SLC24A2: variants seen among roughly 807,000 people sequenced by gnomAD.
SLC24A2 encodes sodium/potassium/calcium exchanger 2.
In SLC24A2, 36 loss-of-function variants were observed where a neutral mutation model predicts 62.0. That is an observed-to-expected ratio of 0.58 (90% CI 0.44 to 0.77). SLC24A2 has a LOEUF of 0.77. SLC24A2 is among the 30% of genes least tolerant of loss of function. The pLI, the probability that SLC24A2 is intolerant of heterozygous loss-of-function variation, is 0.00. For synonymous variants in SLC24A2, 358 were observed against 294.0 expected (o/e 1.22, Z -2.23); for missense variants, 846 against 817.9 (o/e 1.03, Z -0.42).
At chr9:19,806,342 T>G in the SLC24A2 span, among the ~76,000 whole-genome samples, 2 of 152,142 alleles carry the variant, frequency 1.3e-5, no homozygotes, top group Non-Finnish European at 2.9e-5. Context: ...TAGAGTTTAT[T>G]TGAGTACAAA....
chr9:20,174,975 G>A, the SLC24A2 span, among the ~76,000 whole-genome samples: 1 of 149,478 alleles, frequency 6.7e-6, no homozygotes, highest in African/African-American at 2.5e-5. Context: ...CCAGTGAGTG[G>A]ATAAAGAAGC....
the SLC24A2 span, among the ~76,000 whole-genome samples, chr9:19,985,018 C>CA: frequency 0.49 from 72,021 of 147,696 alleles, 17,976 homozygotes; most frequent in Non-Finnish European, 0.55. Context: ...ACTGAAAATA[C>CA]AAAAAAAAAA....
chr9:19,697,452 G>C (rs945656819), intron 2 of SLC24A2, among the ~76,000 whole-genome samples: 2 of 151,982 alleles, frequency 1.3e-5, no homozygotes, highest in Non-Finnish European at 2.9e-5. Flanking sequence ...AAGTTGAAGA[G>C]AAAAAAATCT....
chr9:20,088,858 A>G, the SLC24A2 span, among the ~76,000 whole-genome samples: 1 of 152,190 alleles, frequency 6.6e-6, no homozygotes, highest in South Asian at 2.1e-4. Flanking sequence ...AGGGAGAGGC[A>G]GGCTACCATC....
intron 10 of SLC24A2, among the ~76,000 whole-genome samples, chr9:19,518,663 G>T (rs902513093): frequency 2.0e-5 from 3 of 151,934 alleles, no homozygotes; most frequent in Non-Finnish European, 4.4e-5. Context: ...CTTGTGATCC[G>T]CCCACCTCAG....
the SLC24A2 span, among the ~76,000 whole-genome samples, chr9:20,274,047 T>A: frequency 6.6e-6 from 1 of 152,214 alleles, no homozygotes; most frequent in African/African-American, 2.4e-5. Flanking sequence ...GATGTATGTC[T>A]CCACTCATTC....
At chr9:20,101,138 A>C in the SLC24A2 span, among the ~76,000 whole-genome samples, 13 of 152,268 alleles carry the variant, frequency 8.5e-5, no homozygotes, top group African/African-American at 3.1e-4. Context: ...AAATCCTAGC[A>C]AGATAAATTG....
chr9:20,021,390 A>G, the SLC24A2 span, among the ~76,000 whole-genome samples: 1 of 151,970 alleles, frequency 6.6e-6, no homozygotes. Flanking sequence ...CATGTATATA[A>G]TCATACATAC....
chr9:19,769,557 T>G (rs1822622251), intron 2 of SLC24A2, among the ~76,000 whole-genome samples: 1 of 152,242 alleles, frequency 6.6e-6, no homozygotes, highest in Admixed American at 6.5e-5. Flanking sequence ...TAAAGTGTTG[T>G]GTTTTGACCC....
the SLC24A2 span, among the ~76,000 whole-genome samples, chr9:19,912,196 C>T: frequency 6.6e-6 from 1 of 152,120 alleles, no homozygotes; most frequent in Admixed American, 6.6e-5. Flanking sequence ...TACACAAACA[C>T]AGATACAAAT....
chr9:19,706,529 G>A (rs1367328237), intron 2 of SLC24A2, among the ~76,000 whole-genome samples: 12 of 151,856 alleles, frequency 7.9e-5, no homozygotes, highest in East Asian at 1.9e-4. Flanking sequence ...ACAGGCACGC[G>A]CCACCATGCC....
the SLC24A2 span, among the ~76,000 whole-genome samples, chr9:19,855,141 G>T: frequency 2.0e-5 from 3 of 151,878 alleles, no homozygotes; most frequent in African/African-American, 4.8e-5. Flanking sequence ...CCATTTGCTT[G>T]GCAAATTTCC....
At chr9:19,681,984 A>G (rs1038982360) in intron 2 of SLC24A2, among the ~76,000 whole-genome samples, 2 of 152,146 alleles carry the variant, frequency 1.3e-5, no homozygotes, top group African/African-American at 4.8e-5. Context: ...GAACTGATTG[A>G]TGGGTTCTGC....
At chr9:19,883,103 A>G in the SLC24A2 span, among the ~76,000 whole-genome samples, 4 of 152,360 alleles carry the variant, frequency 2.6e-5, no homozygotes, top group South Asian at 6.2e-4. Flanking sequence ...ATGATTAAAA[A>G]TTACCTAACA....
the SLC24A2 span, among the ~76,000 whole-genome samples, chr9:20,001,817 C>T: frequency 1.1e-3 from 166 of 152,310 alleles, 1 homozygote; most frequent in Non-Finnish European, 1.7e-3. Context: ...GCAACACCTA[C>T]TTTGATCCAG....
chr9:19,990,004 G>C, the SLC24A2 span, among the ~76,000 whole-genome samples: 1 of 152,172 alleles, frequency 6.6e-6, no homozygotes, highest in Non-Finnish European at 1.5e-5. Context: ...AAAAGGCTGT[G>C]AAATGATGAG....
chr9:19,529,903 C>G (rs564236956), intron 8 of SLC24A2, among the ~76,000 whole-genome samples: 2 of 151,828 alleles, frequency 1.3e-5, no homozygotes, highest in East Asian at 3.9e-4. Flanking sequence ...GCACCTGCCA[C>G]CACACCCCAC....
chr9:20,216,778 T>TA, the SLC24A2 span, among the ~76,000 whole-genome samples: 3 of 152,174 alleles, frequency 2.0e-5, no homozygotes, highest in Admixed American at 6.5e-5. Context: ...TCATTTGTTG[T>TA]AAAAAATATT....
chr9:19,747,102 T>C (rs1174860388), intron 2 of SLC24A2, among the ~76,000 whole-genome samples: 2 of 152,138 alleles, frequency 1.3e-5, no homozygotes, highest in Non-Finnish European at 2.9e-5. Context: ...AATGATATAA[T>C]AACCAACAAT....
Sources: gnomAD v4.1 joint callset for allele counts (sites outside exome capture counted in the v4.1 genomes callset) on GRCh38, gnomAD v4.1.1 for gene constraint, MANE v1.5 for transcripts, NCBI Gene and HGNC (gene_info 2026-07-23, HGNC 2026-07-21) for gene names.